Variants in IFT52 observed in about 807,000 individuals in gnomAD.
The protein encoded by IFT52 is intraflagellar transport 52.
IFT52 carries 44 observed loss-of-function variants against 54.4 expected under a neutral mutation model. The observed-to-expected ratio is 0.81, with a 90% CI of 0.63 to 1.04. The LOEUF (loss-of-function observed/expected upper bound fraction) is 1.04. IFT52 is among the 50% of genes least tolerant of loss of function. IFT52 has a pLI of 0.00. For synonymous variants in IFT52, 181 were observed against 185.3 expected (o/e 0.98, Z 0.19); for missense variants, 452 against 523.6 (o/e 0.86, Z 1.33).
intron 7 of IFT52, among the ~76,000 whole-genome samples, chr20:43,617,022 G>GA (rs990762390): frequency 1.8e-4 from 28 of 151,922 alleles, no homozygotes; most frequent in African/African-American, 6.3e-4. Flanking sequence ...CTAAAAATGG[G>GA]AAAAAAATTA....
At chr20:43,599,023 C>T (rs1982218891) in intron 3 of IFT52, among the ~76,000 whole-genome samples, 2 of 152,204 alleles carry the variant, frequency 1.3e-5, no homozygotes, top group South Asian at 2.1e-4. Flanking sequence ...GCAAAGTGAC[C>T]TTCCCCCGCT....
intron 3 of IFT52, 66 bp from the exon 4 acceptor site, chr20:43,603,694 T>C: frequency 7.0e-7 from 1 of 1,431,848 alleles, no homozygotes; most frequent in Non-Finnish European, 9.7e-7. Flanking sequence ...GTTAAGGTCT[T>C]ATTCATGGTA....
At chr20:43,593,801 C>T (rs577873256) in intron 1 of IFT52, among the ~76,000 whole-genome samples, 25 of 152,120 alleles carry the variant, frequency 1.6e-4, no homozygotes, top group African/African-American at 5.8e-4. Flanking sequence ...TGAGCTCAAG[C>T]GATCCTCCCA....
chr20:43,641,030 C>CAAA (rs10523117), intron 12 of IFT52, among the ~76,000 whole-genome samples: 2 of 90,374 alleles, frequency 2.2e-5, no homozygotes, highest in South Asian at 4.0e-4. Context: ...AACCTTGTCT[C>CAAA]AAAAAAAAAA....
chr20:43,605,876 C>T (rs1252948734), intron 6 of IFT52, among the ~76,000 whole-genome samples: 2 of 152,142 alleles, frequency 1.3e-5, no homozygotes, highest in African/African-American at 4.8e-5. Context: ...CAAACATAGG[C>T]AGTCTATTCT....
intron 10 of IFT52, among the ~76,000 whole-genome samples, chr20:43,634,966 C>T (rs745773013): frequency 6.6e-6 from 1 of 151,976 alleles, no homozygotes; most frequent in Non-Finnish European, 1.5e-5. Flanking sequence ...GTCAGGAGTT[C>T]AAGACCAGCC....
At chr20:43,602,710 A>G (rs539788606) in intron 3 of IFT52, among the ~76,000 whole-genome samples, 3 of 152,168 alleles carry the variant, frequency 2.0e-5, no homozygotes, top group South Asian at 2.1e-4. Flanking sequence ...GGGTTTCACC[A>G]TGTTGGCCAA....
intron 10 of IFT52, among the ~76,000 whole-genome samples, chr20:43,634,094 T>C (rs1985362980): frequency 1.3e-5 from 2 of 151,788 alleles, no homozygotes; most frequent in Non-Finnish European, 2.9e-5. Flanking sequence ...GATTGCTAGC[T>C]AGAGTCCAGG....
In IFT52 at chr20:43,634,528, A is replaced by G. The variant is rs141428344; in HGVS notation, c.924-1398A>G. ...CATTGAAATCCCCTTGAAATACGTT[A>G]ACATATTCTGATCTAAAATGAAAAA... On this transcript the variant is annotated intron_variant, in intron 10 of 13. Transcript: ENST00000373030. Among the ~76,000 whole-genome samples, 696 of 152,344 alleles carry G rather than the reference A, an allele frequency of 4.6e-3. 4 individuals are homozygous for G. Among genetic ancestry groups the G allele is most frequent in the African/African-American group, 0.016 (662 of 41,578 alleles).
intron 10 of IFT52, 129 bp from the exon 11 acceptor site, chr20:43,635,797 G>C (rs1165938460): frequency 1.4e-6 from 1 of 722,268 alleles, no homozygotes; most frequent in African/African-American, 1.8e-5. Context: ...TGGGATTGCT[G>C]GGTCCAGTGG....
rs1985997811 is a variant in IFT52, at chr20:43,642,635, T to C, written c.1266+11T>C. Reference sequence around the variant, plus strand: ...AAGAAATTGAACCAGGTACAGAGCCTACAAGGCACAGTGTAGTGGGAGCCC... The same window carrying C: ...AAGAAATTGAACCAGGTACAGAGCCCACAAGGCACAGTGTAGTGGGAGCCC... On this transcript the variant is annotated intron_variant, in intron 13 of 13. Coordinates refer to ENST00000373030, the MANE Select transcript of IFT52 (RefSeq NM_016004.5). The C allele has an allele frequency of 6.2e-7, 1 of 1,613,378 alleles. No homozygotes were observed. The highest frequency in any genetic ancestry group is 8.5e-7 in the Non-Finnish European group (1 of 1,179,600).
chr20:43,603,732 T>G (rs1198589306), intron 3 of IFT52, 28 bp from the exon 4 acceptor site: 4 of 1,605,140 alleles, frequency 2.5e-6, no homozygotes, highest in Non-Finnish European at 3.4e-6. Flanking sequence ...TCAAGTATAT[T>G]CATAGATTGC....
Position 43,637,133 on chromosome 20 carries a change from A to G in IFT52, c.1012-12A>G. The G allele has an allele frequency of 6.5e-7, 1 of 1,549,114 alleles. No homozygotes were observed. Among genetic ancestry groups the G allele is most frequent in the Non-Finnish European group, 8.9e-7 (1 of 1,121,684 alleles). On this transcript the variant is annotated splice_polypyrimidine_tract_variant and intron_variant, in intron 11 of 13. Transcript: ENST00000373030. ...TCCCTCATTTCTAAATAATGACTTT[A>G]TTTCCTTTTAGGTTTTTCCTCCCAG... is the stretch of plus-strand genomic sequence containing the variant.
intron 3 of IFT52, among the ~76,000 whole-genome samples, chr20:43,600,766 T>A (rs1259105880): frequency 1.3e-5 from 2 of 151,630 alleles, no homozygotes; most frequent in Non-Finnish European, 2.9e-5. Context: ...ACGTCAGGAG[T>A]TTGAGACTAG....
chr20:43,592,600 A>C (rs1163506062), intron 1 of IFT52, among the ~76,000 whole-genome samples: 1 of 152,060 alleles, frequency 6.6e-6, no homozygotes, highest in African/African-American at 2.4e-5. Flanking sequence ...ATCATGAAGT[A>C]CTGAAGTAAA....
chr20:43,632,955 G>C (rs1985272407), intron 10 of IFT52, among the ~76,000 whole-genome samples: 1 of 152,244 alleles, frequency 6.6e-6, no homozygotes, highest in African/African-American at 2.4e-5. Flanking sequence ...ATACGGTAGA[G>C]AAGATTCCTG....
chr20:43,628,812 C>G (rs920936795), intron 10 of IFT52, among the ~76,000 whole-genome samples: 4 of 151,642 alleles, frequency 2.6e-5, no homozygotes, highest in Non-Finnish European at 4.4e-5. Context: ...GATCGCGCCA[C>G]TGCATTCCAG....
intron 6 of IFT52, among the ~76,000 whole-genome samples, chr20:43,607,063 A>G (rs1022053050): frequency 1.6e-4 from 25 of 152,116 alleles, no homozygotes; most frequent in Non-Finnish European, 2.9e-5. Context: ...CAAAACCGCC[A>G]TTGTCATCAT....
intron 8 of IFT52, among the ~76,000 whole-genome samples, chr20:43,619,512 A>AGG (rs1160220693): frequency 6.6e-6 from 1 of 152,142 alleles, no homozygotes; most frequent in African/African-American, 2.4e-5. Flanking sequence ...AGGAGGAGGC[A>AGG]GCCTAGAGCC....
Sources: gnomAD v4.1 joint callset for allele counts (sites outside exome capture counted in the v4.1 genomes callset) on GRCh38, gnomAD v4.1.1 for gene constraint, MANE v1.5 for transcripts, NCBI Gene and HGNC (gene_info 2026-07-23, HGNC 2026-07-21) for gene names.